Variants in LINGO2 observed in about 807,000 individuals in gnomAD.
LINGO2 encodes the protein leucine rich repeat and Ig domain containing 2, also known as leucine-rich repeat and immunoglobulin-like domain-containing nogo receptor-interacting protein 2.
Under a neutral mutation model 30.6 loss-of-function variants are expected in LINGO2, and 14 were observed. The observed-to-expected ratio is 0.46, with a 90% CI of 0.30 to 0.72. The LOEUF is 0.72. LINGO2 is among the 30% of genes least tolerant of loss of function. LINGO2 has a pLI of 0.07. For synonymous variants in LINGO2, 317 were observed against 288.5 expected, an observed-to-expected ratio of 1.10 and a Z score of -1.00; for missense variants, 729 against 751.7, an observed-to-expected ratio of 0.97 and a Z score of 0.35.
intron 2 of LINGO2, among the ~76,000 whole-genome samples, chr9:28,391,744 AT>A (rs1185876602): frequency 6.6e-6 from 1 of 152,102 alleles, no homozygotes; most frequent in Non-Finnish European, 1.5e-5. Context: ...TCACATGGAA[AT>A]TCTTTATAAT....
At chr9:28,802,438 A>G in the LINGO2 span, among the ~76,000 whole-genome samples, 1 of 151,984 alleles carries the variant, frequency 6.6e-6, no homozygotes, top group Admixed American at 6.6e-5. Context: ...TTAGAACTCT[A>G]CTTTATTTTA....
chr9:28,888,949 T>G, the LINGO2 span: 1 of 532,204 alleles, frequency 1.9e-6, no homozygotes, highest in South Asian at 1.4e-5. Flanking sequence ...TTCCTGCAAA[T>G]GCACACAAAC....
chr9:28,932,916 A>C, the LINGO2 span, among the ~76,000 whole-genome samples: 1 of 151,226 alleles, frequency 6.6e-6, no homozygotes, highest in Non-Finnish European at 1.5e-5. Flanking sequence ...TATTATTATT[A>C]TTATTATTGA....
intron 2 of LINGO2, among the ~76,000 whole-genome samples, chr9:28,427,832 A>C (rs1823475969): frequency 6.6e-6 from 1 of 152,140 alleles, no homozygotes; most frequent in African/African-American, 2.4e-5. Context: ...AACCACTTTA[A>C]GATGTAGGGG....
At position 27,998,937 on chromosome 9, in the gene LINGO2, G is replaced by A. The variant is rs367960869; in HGVS notation, c.-36+13418C>T. 1.2e-4 allele frequency among the ~76,000 whole-genome samples: 18 copies of A among 152,206 alleles called. 1 individual carries two copies. The East Asian group carries it at 2.5e-3, about 21-fold the overall frequency. ...AAATTTTAAAAATACTCTAAGTTCAGCCTTAAGTACCTAGGGTTCTACAGA... is the reference window on the plus strand; with the variant it reads ...AAATTTTAAAAATACTCTAAGTTCAACCTTAAGTACCTAGGGTTCTACAGA... On this transcript the variant is annotated intron_variant, in intron 5 of 5. Coordinates refer to ENST00000379992, the Ensembl canonical transcript of LINGO2.
At chr9:28,839,945 GCC>G in the LINGO2 span, among the ~76,000 whole-genome samples, 1 of 152,108 alleles carries the variant, frequency 6.6e-6, no homozygotes, top group Non-Finnish European at 1.5e-5. Flanking sequence ...GCTCATCAGT[GCC>G]CAAAGTCTCA....
intron 1 of LINGO2, among the ~76,000 whole-genome samples, chr9:28,596,479 G>T (rs1456034594): frequency 2.0e-5 from 3 of 152,078 alleles, no homozygotes; most frequent in Admixed American, 1.3e-4. Flanking sequence ...GATATCATAA[G>T]AAAAATCAAT....
chr9:28,461,065 C>T (rs1825061418), intron 2 of LINGO2, among the ~76,000 whole-genome samples: 1 of 152,030 alleles, frequency 6.6e-6, no homozygotes. Context: ...TCTTTATCAT[C>T]ATAGTCTTTT....
the LINGO2 span, among the ~76,000 whole-genome samples, chr9:28,758,759 A>T: frequency 4.6e-5 from 7 of 152,102 alleles, no homozygotes; most frequent in Non-Finnish European, 8.8e-5. Flanking sequence ...TGCTGTATTT[A>T]TTCGCCATCC....
At chr9:28,598,691 T>C (rs1825325200) in intron 1 of LINGO2, 1 of 152,140 alleles carries the variant, frequency 6.6e-6, no homozygotes, top group Non-Finnish European at 1.5e-5. Context: ...GATGGTGGAG[T>C]CTTTGGCTGC....
the LINGO2 span, among the ~76,000 whole-genome samples, chr9:28,842,756 G>A: frequency 6.6e-6 from 1 of 151,884 alleles, no homozygotes; most frequent in East Asian, 1.9e-4. Context: ...GGTTCCCATA[G>A]TTGGTAGTTA....
chr9:28,562,200 C>A (rs940278963), intron 1 of LINGO2, among the ~76,000 whole-genome samples: 11 of 151,944 alleles, frequency 7.2e-5, no homozygotes, highest in Admixed American at 2.0e-4. Context: ...TAGAACTTTT[C>A]AGTTTTTCAG....
At chr9:28,873,656 C>T in the LINGO2 span, among the ~76,000 whole-genome samples, 1 of 151,996 alleles carries the variant, frequency 6.6e-6, no homozygotes. Flanking sequence ...CCAAGGATGT[C>T]AGTTTTTATT....
the LINGO2 span, among the ~76,000 whole-genome samples, chr9:29,201,887 CGAA>C: frequency 6.6e-6 from 1 of 151,880 alleles, no homozygotes; most frequent in South Asian, 2.1e-4. Flanking sequence ...CGTCATGAGA[CGAA>C]GAGATTGTTC....
chr9:29,174,129 T>A, the LINGO2 span, among the ~76,000 whole-genome samples: 2 of 151,754 alleles, frequency 1.3e-5, no homozygotes, highest in African/African-American at 4.8e-5. Flanking sequence ...AAAAAAAAAA[T>A]TAATGTAAAA....
chr9:29,139,801 T>C, the LINGO2 span, among the ~76,000 whole-genome samples: 2 of 152,090 alleles, frequency 1.3e-5, no homozygotes, highest in Non-Finnish European at 2.9e-5. Context: ...TGTTTAAAAT[T>C]CCGGCTTCTG....
At chr9:28,780,846 G>T in the LINGO2 span, among the ~76,000 whole-genome samples, 75 of 149,410 alleles carry the variant, frequency 5.0e-4, no homozygotes, top group Admixed American at 1.1e-3. Context: ...GTGTGTGTGT[G>T]TGTGTGTGTG....
intron 1 of LINGO2, among the ~76,000 whole-genome samples, chr9:28,651,015 C>T (rs1332626508): frequency 6.6e-6 from 1 of 151,730 alleles, no homozygotes; most frequent in East Asian, 1.9e-4. Context: ...ACGATGAAAC[C>T]CTGTCTCCAT....
chr9:29,016,836 C>T, the LINGO2 span, among the ~76,000 whole-genome samples: 1 of 152,234 alleles, frequency 6.6e-6, no homozygotes, highest in African/African-American at 2.4e-5. Context: ...AACGATTTAC[C>T]CCTTCTACAT....
Sources: allele counts gnomAD v4.1 joint callset (sites outside exome capture counted in the v4.1 genomes callset), GRCh38; gene constraint gnomAD v4.1.1; transcripts MANE v1.5; gene names NCBI Gene and HGNC (gene_info 2026-07-23, HGNC 2026-07-21).